MCC: variants seen among roughly 807,000 people sequenced by gnomAD.
MCC encodes the protein colorectal mutant cancer protein.
MCC carries 90 observed loss-of-function variants against 116.2 expected under a neutral mutation model. The ratio of observed to expected loss-of-function variants is 0.77; its 90% confidence interval spans 0.65 to 0.92. The LOEUF (loss-of-function observed/expected upper bound fraction) is 0.92, where lower values mean the gene tolerates loss of function less well. Ranked by LOEUF, MCC falls within the 40% of genes least tolerant of loss-of-function variation. The pLI is 0.00. For missense variants in MCC, 1,516 were observed against 1,312.2 expected (o/e 1.16, Z -2.40); for synonymous variants, 578 against 510.5 (o/e 1.13, Z -1.78).
chr5:113,468,616 T>G (rs905396919), intron 1 of MCC, among the ~76,000 whole-genome samples: 7 of 152,230 alleles, frequency 4.6e-5, no homozygotes, highest in African/African-American at 1.7e-4. Context: ...GCATCGATGT[T>G]CATCAAGGAT....
At position 113,124,134 on chromosome 5, in the gene MCC, T is replaced by C. The variant is rs368026817; in HGVS notation, c.885-1308A>G. Among the ~76,000 whole-genome samples the C allele has an allele frequency of 2.2e-4, 33 of 152,348 alleles. No individual in the cohort carries two copies. In the East Asian group the frequency reaches 5.8e-3, roughly 27 times the overall value. The stretch of plus-strand genomic sequence containing the variant: ...TACCCAGAAAACTGGGAAAGCTTTA[T>C]GTAGATATAAAGCCCCATGACATGG... On this transcript the variant is annotated intron_variant, in intron 5 of 18. Coordinates refer to ENST00000408903, the MANE Select transcript of MCC (RefSeq NM_001085377.2).
At chr5:113,304,279 C>G (rs933739746) in intron 3 of MCC, among the ~76,000 whole-genome samples, 7 of 152,170 alleles carry the variant, frequency 4.6e-5, no homozygotes, top group African/African-American at 1.7e-4. Context: ...TTTGGTTAGT[C>G]TATGTTTAAA....
chr5:113,071,173 T>A lies in MCC; in HGVS notation c.1846A>T (p.Ser616Cys). ...AGCATGCTCATCCTCTCGGCATTGC[T>A]TTTACATTCCTCCAAGGTTATGGTC... ...LLTITLEECK[S>C]NAERMSMLVG... The change falls in exon 12 of 19, where the codon AGC (serine) becomes TGC (cysteine). Residue 616 changes from serine (S) to cysteine (C), a missense_variant. Ser to Cys is a moderately radical substitution (Grantham distance 112). Coordinates refer to ENST00000408903, the MANE Select transcript of MCC (RefSeq NM_001085377.2). 2 of 1,614,146 alleles carry A rather than the reference T, an allele frequency of 1.2e-6. No individual in the cohort carries two copies.
chr5:113,031,140 G>A (rs75432458), intron 17 of MCC, among the ~76,000 whole-genome samples: 3,352 of 152,228 alleles, frequency 0.022, 46 homozygotes, highest in African/African-American at 0.03. Context: ...GAATTACAAC[G>A]TAAAATCCAG....
intron 7 of MCC, among the ~76,000 whole-genome samples, chr5:113,103,517 C>T (rs1353860537): frequency 6.6e-6 from 1 of 152,352 alleles, no homozygotes; most frequent in Middle Eastern, 3.4e-3. Flanking sequence ...AGATGGAAAA[C>T]CAGCAGTGTT....
At position 113,417,196 on chromosome 5, in the gene MCC, C is replaced by T. The variant is rs548960711; in HGVS notation, c.171-31984G>A. ...TGTTGGCCAGGATAGTCTCAATCTC[C>T]TGACCTCATGATCCGCCCACCTAGG... is the stretch of plus-strand genomic sequence containing the variant. On this transcript the variant is annotated intron_variant, in intron 1 of 18. Transcript: ENST00000408903. Among the ~76,000 whole-genome samples the T allele has an allele frequency of 3.4e-4, 52 of 152,246 alleles. No individual in the cohort carries two copies. The East Asian group carries it at 8.7e-3, about 25-fold the overall frequency.
At chr5:113,166,271 A>G (rs1760761985) in intron 3 of MCC, among the ~76,000 whole-genome samples, 1 of 152,208 alleles carries the variant, frequency 6.6e-6, no homozygotes, top group Admixed American at 6.5e-5. Context: ...AAGAAAATCT[A>G]AGTCTGGCAG....
intron 3 of MCC, among the ~76,000 whole-genome samples, chr5:113,280,653 G>A (rs554572896): frequency 6.6e-6 from 1 of 152,162 alleles, no homozygotes; most frequent in East Asian, 1.9e-4. Context: ...ATGGAGAAAC[G>A]TCATCACAGG....
At position 113,101,819 on chromosome 5, in the gene MCC, A is replaced by G. The variant is rs772301689; in HGVS notation, c.1318T>C (p.Cys440Arg). 1.9e-6 allele frequency: 3 copies of G among 1,613,574 alleles called. No homozygotes were observed. The highest frequency in any genetic ancestry group is 2.5e-6 in the Non-Finnish European group (3 of 1,180,000). ...CGGTTCAGTTCTTCCTCTTTGCTGC[A>G]CAGCATGGCAGTCAGGCTCTCATTC... ...EENESLTAML[C>R]SKEEELNRTK... The change falls in exon 8 of 19, where the codon TGC becomes CGC. Residue 440 changes from cysteine to arginine, a missense_variant. Transcript: ENST00000408903.
intron 1 of MCC, among the ~76,000 whole-genome samples, chr5:113,414,153 C>T (rs1770074880): frequency 6.6e-6 from 1 of 152,146 alleles, no homozygotes; most frequent in African/African-American, 2.4e-5. Context: ...GTTGTGATTT[C>T]TGTTCTTTTA....
intron 1 of MCC, among the ~76,000 whole-genome samples, chr5:113,438,864 AT>A (rs559877706): frequency 6.6e-6 from 1 of 152,176 alleles, no homozygotes; most frequent in Admixed American, 6.5e-5. Context: ...ACTTAAGTAG[AT>A]TTTTTAAAGT....
intron 3 of MCC, among the ~76,000 whole-genome samples, chr5:113,259,521 T>G (rs546573154): frequency 6.6e-6 from 1 of 152,146 alleles, no homozygotes; most frequent in South Asian, 2.1e-4. Context: ...GAAAAAAAAA[T>G]TAATTGGAAA....
chr5:113,180,662 TG>T (rs1295914021), intron 3 of MCC, among the ~76,000 whole-genome samples: 1 of 152,206 alleles, frequency 6.6e-6, no homozygotes, highest in Non-Finnish European at 1.5e-5. Context: ...AAGCCATTTT[TG>T]CCCAAGAAGA....
intron 3 of MCC, among the ~76,000 whole-genome samples, chr5:113,153,623 A>G (rs1760009518): frequency 6.6e-6 from 1 of 152,224 alleles, no homozygotes; most frequent in Admixed American, 6.5e-5. Context: ...CATGAATGCA[A>G]TGGACCCTTC....
chr5:113,243,649 G>A (rs927103120), intron 3 of MCC, among the ~76,000 whole-genome samples: 2 of 152,188 alleles, frequency 1.3e-5, no homozygotes, highest in Non-Finnish European at 2.9e-5. Flanking sequence ...CAATTCAAAG[G>A]CGCTGGCCAT....
intron 3 of MCC, among the ~76,000 whole-genome samples, chr5:113,224,779 G>A (rs909421120): frequency 1.3e-5 from 2 of 152,184 alleles, no homozygotes; most frequent in Non-Finnish European, 2.9e-5. Context: ...TTTTACAGAT[G>A]CAACAAGATA....
chr5:113,109,751 A>G (rs1756976509), intron 6 of MCC, among the ~76,000 whole-genome samples: 1 of 152,246 alleles, frequency 6.6e-6, no homozygotes, highest in Admixed American at 6.5e-5. Context: ...GAATGGCAGC[A>G]CATTCAGAAA....
At chr5:113,073,429 T>C (rs1408161648) in intron 11 of MCC, among the ~76,000 whole-genome samples, 1 of 152,228 alleles carries the variant, frequency 6.6e-6, no homozygotes, top group Non-Finnish European at 1.5e-5. Context: ...GATCTTGTTT[T>C]TCCACATTCG....
intron 3 of MCC, among the ~76,000 whole-genome samples, chr5:113,275,555 C>CT (rs1038936098): frequency 1.3e-5 from 2 of 152,148 alleles, no homozygotes; most frequent in African/African-American, 4.8e-5. Context: ...GGTTCACAGA[C>CT]TTTGCAAAAC....
Sources: allele counts gnomAD v4.1 joint callset (sites outside exome capture counted in the v4.1 genomes callset), GRCh38; gene constraint gnomAD v4.1.1; transcripts MANE v1.5; gene names NCBI Gene and HGNC (gene_info 2026-07-23, HGNC 2026-07-21).